QRFPR: variants seen among roughly 807,000 people sequenced by gnomAD.
QRFPR encodes pyroglutamylated RF-amide peptide receptor.
In QRFPR, 37 loss-of-function variants were observed where a neutral mutation model predicts 31.3. The ratio of observed to expected loss-of-function variants is 1.18; its 90% CI spans 0.91 to 1.56. The LOEUF (loss-of-function observed/expected upper bound fraction) is 1.56. Ranked by LOEUF, QRFPR falls within the 40% of genes most tolerant of loss-of-function variation. The pLI is 0.00. For synonymous variants in QRFPR, 197 were observed against 192.0 expected (o/e 1.03, Z -0.22); for missense variants, 542 against 532.5 (o/e 1.02, Z -0.18).
chr4:121,371,215 T>G (rs1301185908), intron 1 of QRFPR, among the ~76,000 whole-genome samples: 1 of 152,236 alleles, frequency 6.6e-6, no homozygotes, highest in African/African-American at 2.4e-5. Flanking sequence ...AATGTGTTTC[T>G]CCAAAACCAA....
chr4:121,377,619 A>T (rs1726381838), intron 1 of QRFPR, among the ~76,000 whole-genome samples: 2 of 152,126 alleles, frequency 1.3e-5, no homozygotes, highest in Non-Finnish European at 2.9e-5. Context: ...TCTCTGAATT[A>T]TTCTTCCAGA....
At chr4:121,333,811 G>A (rs1307738362) in intron 3 of QRFPR, among the ~76,000 whole-genome samples, 2 of 152,066 alleles carry the variant, frequency 1.3e-5, no homozygotes, top group Non-Finnish European at 2.9e-5. Context: ...ACTTTTTTGG[G>A]TAATAGGAAT....
At chr4:121,362,143 C>A (rs1726005848) in intron 1 of QRFPR, among the ~76,000 whole-genome samples, 1 of 150,042 alleles carries the variant, frequency 6.7e-6, no homozygotes, top group Non-Finnish European at 1.5e-5. Flanking sequence ...TCATCAGCCT[C>A]TCACCTAATG....
chr4:121,360,849 A>G (rs1035369488), intron 1 of QRFPR, among the ~76,000 whole-genome samples: 3 of 151,992 alleles, frequency 2.0e-5, no homozygotes, highest in Non-Finnish European at 2.9e-5. Flanking sequence ...TGAATGCCAA[A>G]CTCCAGGCAT....
chr4:121,347,574 C>A (rs973321461), intron 1 of QRFPR, among the ~76,000 whole-genome samples: 1 of 152,060 alleles, frequency 6.6e-6, no homozygotes. Flanking sequence ...TCTACTTTGA[C>A]GCTTAAAGTA....
In QRFPR at chr4:121,380,867, C is replaced by G. The variant is rs1726481375; in HGVS notation, c.-220G>C. On this transcript the variant is annotated 5_prime_UTR_variant, in exon 1 of 6. Coordinates refer to ENST00000394427, the MANE Select transcript of QRFPR (RefSeq NM_198179.3). Reference sequence around the variant, plus strand: ...GATAAAGAGGCGGGAAGCCAAAGCACTGGGAGACTCGATCTCAGTGACCAA... The same window carrying G: ...GATAAAGAGGCGGGAAGCCAAAGCAGTGGGAGACTCGATCTCAGTGACCAA... The G allele has an allele frequency of 1.9e-6, 1 of 527,912 alleles. No individual in the cohort carries two copies. The highest frequency in any genetic ancestry group is 3.3e-6 in the Non-Finnish European group (1 of 301,646). The allele number at this position is 527,912 out of a possible 1,614,324, so 32.7% of individuals were successfully genotyped here.
intron 1 of QRFPR, chr4:121,369,486 G>A (rs878855841): frequency 1.5e-5 from 18 of 1,230,630 alleles, no homozygotes; most frequent in African/African-American, 4.5e-5. Context: ...TTATGTGCCC[G>A]TGGTGGCTGT....
intron 1 of QRFPR, among the ~76,000 whole-genome samples, chr4:121,354,792 A>G (rs910357664): frequency 1.3e-5 from 2 of 151,990 alleles, no homozygotes; most frequent in Non-Finnish European, 2.9e-5. Context: ...CTTTTTTGGT[A>G]TCTATGAAAA....
chr4:121,330,575 C>T, intron 4 of QRFPR, 52 bp from the exon 5 acceptor site: 2 of 1,334,082 alleles, frequency 1.5e-6, no homozygotes, highest in African/African-American at 1.4e-5. Flanking sequence ...GGCAAATGTG[C>T]CAGCTTGATA....
At chr4:121,373,724 T>C (rs1553948400) in intron 1 of QRFPR, among the ~76,000 whole-genome samples, 1 of 152,222 alleles carries the variant, frequency 6.6e-6, no homozygotes, top group Non-Finnish European at 1.5e-5. Context: ...AAGCTCTCTG[T>C]TCTGAATTGG....
chr4:121,362,213 C>G (rs1460644162), intron 1 of QRFPR, among the ~76,000 whole-genome samples: 1 of 150,178 alleles, frequency 6.7e-6, no homozygotes, highest in East Asian at 2.0e-4. Context: ...CCCATTCTCA[C>G]AGAGTCAGCT....
At position 121,380,504 on chromosome 4, in the gene QRFPR, G is replaced by A. The variant is rs1378782212; in HGVS notation, c.144C>T (p.Leu48=). ...CGAAGATGAGCACGCCGGTGAGCAC[G>A]AGGGCCAGCTTGGCGCGTCCCGGCA... ...PELPGRAKLA[L]VLTGVLIFAL... The change falls in exon 1 of 6, where the codon CTC becomes CTT. Residue 48 remains leucine, a synonymous_variant. Transcript: ENST00000394427. 1 of 1,614,144 alleles carries A rather than the reference G, an allele frequency of 6.2e-7. No individual in the cohort carries two copies. Among genetic ancestry groups the A allele is most frequent in the Non-Finnish European group, 8.5e-7 (1 of 1,179,990 alleles).
intron 1 of QRFPR, among the ~76,000 whole-genome samples, chr4:121,376,417 G>A (rs2110486408): frequency 6.6e-6 from 1 of 152,288 alleles, no homozygotes; most frequent in Non-Finnish European, 1.5e-5. Context: ...TGTAATTCAT[G>A]TAAAAACATG....
At chr4:121,375,614 A>G (rs1726336657) in intron 1 of QRFPR, among the ~76,000 whole-genome samples, 1 of 152,204 alleles carries the variant, frequency 6.6e-6, no homozygotes, top group South Asian at 2.1e-4. Context: ...CAGGTGAAAG[A>G]CCATGGCTTA....
intron 2 of QRFPR, among the ~76,000 whole-genome samples, chr4:121,339,926 G>C (rs1725506066): frequency 6.6e-6 from 1 of 151,932 alleles, no homozygotes; most frequent in Non-Finnish European, 1.5e-5. Context: ...CTGCACTCCA[G>C]CCTGGGCTAC....
At chr4:121,349,857 C>A (rs528197426) in intron 1 of QRFPR, among the ~76,000 whole-genome samples, 1 of 152,144 alleles carries the variant, frequency 6.6e-6, no homozygotes, top group Non-Finnish European at 1.5e-5. Context: ...TTTCATGGTA[C>A]GTCATAAATA....
intron 1 of QRFPR, among the ~76,000 whole-genome samples, chr4:121,346,571 A>G (rs1038847264): frequency 1.9e-4 from 29 of 152,124 alleles, no homozygotes; most frequent in African/African-American, 6.8e-4. Context: ...TTTGAGTGCA[A>G]TTTTGCATAA....
At chr4:121,330,790 C>T (rs1725306964) in intron 4 of QRFPR, among the ~76,000 whole-genome samples, 1 of 152,108 alleles carries the variant, frequency 6.6e-6, no homozygotes, top group Admixed American at 6.5e-5. Context: ...CCCAATAAGG[C>T]ATTTGATAGA....
intron 1 of QRFPR, among the ~76,000 whole-genome samples, chr4:121,377,044 G>C (rs997939305): frequency 4.6e-5 from 7 of 152,218 alleles, no homozygotes; most frequent in Admixed American, 2.6e-4. Context: ...TTGAGAGACA[G>C]GCAATGTAGA....
Sources: allele counts gnomAD v4.1 joint callset (sites outside exome capture counted in the v4.1 genomes callset), GRCh38; gene constraint gnomAD v4.1.1; transcripts MANE v1.5; gene names NCBI Gene and HGNC (gene_info 2026-07-23, HGNC 2026-07-21).